The following CD163L1 variants were observed in gnomAD, a reference collection of about 807,000 sequenced individuals.
CD163L1 encodes scavenger receptor cysteine-rich type 1 protein M160.
A neutral mutation model predicts 165.4 loss-of-function variants in CD163L1; 124 were observed. The ratio of observed to expected loss-of-function variants is 0.75; its 90% CI spans 0.65 to 0.87. CD163L1 has a LOEUF of 0.87. Ranked by LOEUF, CD163L1 falls within the 40% of genes least tolerant of loss-of-function variation. The pLI is 0.00. For synonymous variants in CD163L1, 585 were observed against 662.2 expected (o/e 0.88, Z 1.79); for missense variants, 1,525 against 1,799.9 (o/e 0.85, Z 2.76).
intron 8 of CD163L1, among the ~76,000 whole-genome samples, chr12:7,379,886 A>G (rs574045657): frequency 1.2e-3 from 189 of 151,920 alleles, no homozygotes; most frequent in Middle Eastern, 3.4e-3. Flanking sequence ...TTTTTAATGA[A>G]AAATGCTCAT....
chr12:7,370,871 G>T (rs1947131301), intron 14 of CD163L1, among the ~76,000 whole-genome samples: 1 of 152,106 alleles, frequency 6.6e-6, no homozygotes. Flanking sequence ...TCAGAGTATG[G>T]TTTTTAATCC....
At chr12:7,382,622 G>A (rs996568123) in intron 8 of CD163L1, among the ~76,000 whole-genome samples, 1 of 152,126 alleles carries the variant, frequency 6.6e-6, no homozygotes, top group African/African-American at 2.4e-5. Context: ...AGCTTCTGTG[G>A]GCTCTGAGAC....
At chr12:7,380,393 G>GTATACACACATGTATGTGTGTATA (rs1947372735) in intron 8 of CD163L1, among the ~76,000 whole-genome samples, 24 of 140,446 alleles carry the variant, frequency 1.7e-4, no homozygotes, top group South Asian at 1.5e-3. Flanking sequence ...GTGTATATGC[G>GTATACACACATGTATGTGTGTATA]TATACACACA....
chr12:7,403,559 A>G lies in CD163L1; in HGVS notation c.1384T>C (p.Ser462Pro). The G allele has an allele frequency of 6.2e-7, 1 of 1,613,406 alleles. No individual in the cohort carries two copies. The highest frequency in any genetic ancestry group is 8.5e-7 in the Non-Finnish European group (1 of 1,179,682). The change falls in exon 6 of 20, where the codon TCA (serine) becomes CCA (proline). Residue 462 changes from serine to proline, a missense_variant. Coordinates refer to ENST00000313599, the MANE Select transcript of CD163L1 (RefSeq NM_174941.6). ...GKAKRTCFRR[S>P]DAGVICSDKA... ...CCAGAACAAATTACTCCAGCATCTGATCTTCGGAAGCATGTTCGCTTTGCT... is the reference window on the plus strand; with the variant it reads ...CCAGAACAAATTACTCCAGCATCTGGTCTTCGGAAGCATGTTCGCTTTGCT...
chr12:7,341,223 A>G, the CD163L1 span, among the ~76,000 whole-genome samples: 1 of 152,144 alleles, frequency 6.6e-6, no homozygotes, highest in Non-Finnish European at 1.5e-5. Flanking sequence ...TGTAGAAAAT[A>G]TCTATTTATT....
chr12:7,338,369 T>G, the CD163L1 span, among the ~76,000 whole-genome samples: 1 of 152,058 alleles, frequency 6.6e-6, no homozygotes, highest in African/African-American at 2.4e-5. Context: ...TGTTGACACA[T>G]GTTTTGGGGA....
Position 7,379,055 on chromosome 12 carries a change from G to A in CD163L1, c.2294C>T (p.Ser765Phe), listed in dbSNP as rs752812431. The change falls in exon 9 of 20, where the codon TCT becomes TTT. Residue 765 changes from serine to phenylalanine, a missense_variant. Ser to Phe is a radical substitution (Grantham distance 155). Transcript: ENST00000313599. ...CTCCCATCGTATACAATCCCAGAGAGAGGCTTCCCCTCCAGTGCAGCCAGA... is the reference window on the plus strand; with the variant it reads ...CTCCCATCGTATACAATCCCAGAGAAAGGCTTCCCCTCCAGTGCAGCCAGA... ...SNSGCTGGEA[S>F]LWDCIRWEWK... 6.2e-7 allele frequency: 1 copy of A among 1,614,116 alleles called. No homozygotes were observed. Among genetic ancestry groups the A allele is most frequent in the Non-Finnish European group, 8.5e-7 (1 of 1,179,994 alleles).
At chr12:7,355,194 G>A (rs1161121401) in intron 19 of CD163L1, 64 bp from the exon 20 acceptor site, 1 of 152,094 alleles carries the variant, frequency 6.6e-6, no homozygotes, top group East Asian at 1.9e-4. Flanking sequence ...TAGCCTACAT[G>A]AGGTTAAAGT....
chr12:7,345,197 TTC>T (rs1011540027), downstream of CD163L1, among the ~76,000 whole-genome samples: 1 of 152,096 alleles, frequency 6.6e-6, no homozygotes, highest in African/African-American at 2.4e-5. Context: ...TATGCTTTGC[TTC>T]TCTTTTAAAT....
intron 18 of CD163L1, among the ~76,000 whole-genome samples, chr12:7,364,212 T>TA (rs1265292507): frequency 6.6e-6 from 1 of 152,004 alleles, no homozygotes; most frequent in Non-Finnish European, 1.5e-5. Context: ...CAATAGATGC[T>TA]AAAAAATCAT....
At chr12:7,440,271 C>T (rs1197382577) in intron 2 of CD163L1, among the ~76,000 whole-genome samples, 2 of 151,858 alleles carry the variant, frequency 1.3e-5, no homozygotes, top group African/African-American at 4.8e-5. Context: ...TCAGGAGCGC[C>T]CCTGCGACGG....
chr12:7,403,082 G>A (rs538808137), intron 6 of CD163L1, among the ~76,000 whole-genome samples: 6 of 151,448 alleles, frequency 4.0e-5, no homozygotes, highest in Admixed American at 6.6e-5. Flanking sequence ...ATTATACATC[G>A]TATCAACATA....
At chr12:7,335,063 T>C in the CD163L1 span, among the ~76,000 whole-genome samples, 1 of 152,278 alleles carries the variant, frequency 6.6e-6, no homozygotes, top group Non-Finnish European at 1.5e-5. Flanking sequence ...ATGGCCATAC[T>C]GCCCAAGGTA....
chr12:7,384,821 C>A (rs1473147952), intron 8 of CD163L1, among the ~76,000 whole-genome samples: 1 of 151,776 alleles, frequency 6.6e-6, no homozygotes, highest in African/African-American at 2.4e-5. Context: ...AAGTGTATAT[C>A]ATCATGAAAG....
the CD163L1 span, among the ~76,000 whole-genome samples, chr12:7,329,268 T>C: frequency 2.7e-5 from 4 of 149,056 alleles, no homozygotes; most frequent in East Asian, 1.9e-4. Flanking sequence ...TTTACTTTTA[T>C]TTTTTATTTT....
chr12:7,414,395 C>T (rs1177835121), intron 4 of CD163L1, among the ~76,000 whole-genome samples: 1 of 151,952 alleles, frequency 6.6e-6, no homozygotes, highest in Non-Finnish European at 1.5e-5. Flanking sequence ...AACTGAAAGA[C>T]AGATAACTTG....
At chr12:7,326,344 A>G in the CD163L1 span, among the ~76,000 whole-genome samples, 1 of 152,134 alleles carries the variant, frequency 6.6e-6, no homozygotes, top group Non-Finnish European at 1.5e-5. Context: ...TGCTAGTACT[A>G]CAGGTGTGCA....
chr12:7,376,720 G>A (rs543905222), intron 9 of CD163L1, among the ~76,000 whole-genome samples: 15 of 151,714 alleles, frequency 9.9e-5, no homozygotes, highest in Non-Finnish European at 1.8e-4. Context: ...ACTATATCTC[G>A]CCTTTCAGAA....
Position 7,444,101 on chromosome 12 carries a change from A to T in CD163L1, c.27T>A (p.His9Gln). Reference sequence around the variant, plus strand: ...AAAATAAAAGCAAAACCTTACCAATATGCCACGAGTTTTGAGGCAGCATCA... The same window carrying T: ...AAAATAAAAGCAAAACCTTACCAATTTGCCACGAGTTTTGAGGCAGCATCA... MMLPQNSWHIDFGRCCCHQ... is the reference protein window; with the variant it reads MMLPQNSWQIDFGRCCCHQ... Residue 9 changes from histidine (H) to glutamine (Q), a missense_variant, in exon 1 of 20, where the codon CAT becomes CAA. By Grantham distance (24) the His-to-Gln change is conservative. Transcript: ENST00000313599. 1 of 1,613,776 alleles carries T rather than the reference A, an allele frequency of 6.2e-7. No individual in the cohort carries two copies. The highest frequency in any genetic ancestry group is 8.5e-7 in the Non-Finnish European group (1 of 1,179,754).
Sources: allele counts gnomAD v4.1 joint callset (sites outside exome capture counted in the v4.1 genomes callset), GRCh38; gene constraint gnomAD v4.1.1; transcripts MANE v1.5; gene names NCBI Gene and HGNC (gene_info 2026-07-23, HGNC 2026-07-21).